CRPPA: variants seen among roughly 807,000 people sequenced by gnomAD.
CRPPA encodes CDP-L-ribitol pyrophosphorylase A, also known as D-ribitol-5-phosphate cytidylyltransferase.
A neutral mutation model predicts 52.0 loss-of-function variants in CRPPA; 43 were observed. The observed-to-expected ratio is 0.83, with a 90% confidence interval of 0.65 to 1.07. The LOEUF is 1.07. CRPPA is among the 50% of genes least tolerant of loss of function. The pLI, the probability that CRPPA is intolerant of heterozygous loss-of-function variation, is 0.00. For missense variants in CRPPA, 629 were observed against 551.7 expected (o/e 1.14, Z -1.40); for synonymous variants, 250 against 203.5 (o/e 1.23, Z -1.94).
chr7:16,390,279 C>T (rs575070973), intron 2 of CRPPA, among the ~76,000 whole-genome samples: 19 of 152,046 alleles, frequency 1.2e-4, no homozygotes, highest in African/African-American at 4.1e-4. Context: ...TCAATTCTTT[C>T]GATATATATC....
In CRPPA at chr7:16,303,491, A is replaced by AAAAAAAAAAAC. The variant is rs1554317846; in HGVS notation, c.790-2026_790-2025insGTTTTTTTTTT. 8.6e-3 allele frequency among the ~76,000 whole-genome samples: 1,073 copies of AAAAAAAAAAAC among 124,992 alleles called. 70 individuals carry two copies. The highest frequency in any genetic ancestry group is 0.03 in the Admixed American group (309 of 10,148). The allele number at this position is 124,992 out of a possible 152,430, so 82.0% of individuals were successfully genotyped here. A position where few individuals can be genotyped will look rare whatever the true frequency, so the allele number is the denominator to read the frequency against. ...ACATAAAATAGTAAAAAAAAAAAAA[A>AAAAAAAAAAAC]AAAAAAAAAAAACTTTCAGAACACA... On this transcript the variant is annotated intron_variant, in intron 4 of 9. Transcript: ENST00000407010.
intron 6 of CRPPA, chr7:16,276,722 T>C (rs1784210320): frequency 6.6e-6 from 1 of 152,178 alleles, no homozygotes; most frequent in African/African-American, 2.4e-5. Context: ...CTATCACATA[T>C]ATATTTACTT....
At chr7:16,304,374 G>A (rs1278962256) in intron 4 of CRPPA, among the ~76,000 whole-genome samples, 1 of 152,062 alleles carries the variant, frequency 6.6e-6, no homozygotes, top group Non-Finnish European at 1.5e-5. Flanking sequence ...AGCACAGGAA[G>A]GTGACATCAA....
intron 3 of CRPPA, among the ~76,000 whole-genome samples, chr7:16,336,505 A>G (rs1785684351): frequency 6.6e-6 from 1 of 151,916 alleles, no homozygotes; most frequent in African/African-American, 2.4e-5. Flanking sequence ...ATAAAAAGAA[A>G]GTATCAAAGC....
rs574844922 is a variant in CRPPA, at chr7:16,125,618, C to T, written c.1252-33819G>A. Among the ~76,000 whole-genome samples the T allele has an allele frequency of 4.5e-4, 68 of 151,964 alleles. 1 individual carries two copies. Among genetic ancestry groups the T allele is most frequent in the African/African-American group, 1.5e-3 (64 of 41,420 alleles). Reference sequence around the variant, plus strand: ...TAAGTAAAATTATAGTAATGGACCCCCCTCGTAAATAAGCAAGTGTCACAA... The same window carrying T: ...TAAGTAAAATTATAGTAATGGACCCTCCTCGTAAATAAGCAAGTGTCACAA... On this transcript the variant is annotated intron_variant, in intron 9 of 9. Coordinates refer to ENST00000407010, the MANE Select transcript of CRPPA (RefSeq NM_001101426.4).
At chr7:16,201,174 T>A (rs559408706) in intron 9 of CRPPA, among the ~76,000 whole-genome samples, 1 of 152,324 alleles carries the variant, frequency 6.6e-6, no homozygotes, top group East Asian at 1.9e-4. Context: ...ATTTGAAATT[T>A]CTAAATTTGT....
At chr7:16,283,401 C>T (rs1157107810) in intron 5 of CRPPA, among the ~76,000 whole-genome samples, 1 of 149,986 alleles carries the variant, frequency 6.7e-6, no homozygotes, top group Admixed American at 6.7e-5. Flanking sequence ...CTTTTATCTA[C>T]CTAGATTCAC....
intron 3 of CRPPA, among the ~76,000 whole-genome samples, chr7:16,321,047 A>T (rs1376007462): frequency 6.6e-6 from 1 of 152,160 alleles, no homozygotes; most frequent in Non-Finnish European, 1.5e-5. Flanking sequence ...CAGTGGGGAA[A>T]AAAATAAGCT....
chr7:16,416,990 C>G (rs1283552520), intron 1 of CRPPA, among the ~76,000 whole-genome samples: 1 of 152,128 alleles, frequency 6.6e-6, no homozygotes, highest in African/African-American at 2.4e-5. Context: ...TAAAAATGCA[C>G]AAATGACATG....
chr7:16,374,104 G>C (rs973086989), intron 3 of CRPPA, among the ~76,000 whole-genome samples: 1 of 152,168 alleles, frequency 6.6e-6, no homozygotes, highest in Non-Finnish European at 1.5e-5. Context: ...GTGTCTGTGA[G>C]GGTGTTGCCA....
chr7:16,233,198 A>T (rs965897637), intron 8 of CRPPA, among the ~76,000 whole-genome samples: 2 of 152,148 alleles, frequency 1.3e-5, no homozygotes, highest in African/African-American at 4.8e-5. Flanking sequence ...TGAGATATGG[A>T]TCATATTTAG....
intron 1 of CRPPA, among the ~76,000 whole-genome samples, chr7:16,412,754 C>T (rs978992133): frequency 6.6e-6 from 1 of 152,184 alleles, no homozygotes; most frequent in African/African-American, 2.4e-5. Context: ...CACACCAAAC[C>T]CTCAGCAGCC....
intron 3 of CRPPA, among the ~76,000 whole-genome samples, chr7:16,344,405 C>CCA (rs774993319): frequency 5.0e-5 from 5 of 99,346 alleles, no homozygotes; most frequent in Middle Eastern, 6.9e-3. Context: ...TATCTCTACC[C>CCA]AAAAAAAAAA....
At chr7:16,401,898 A>G (rs1195065398) in intron 2 of CRPPA, among the ~76,000 whole-genome samples, 1 of 152,206 alleles carries the variant, frequency 6.6e-6, no homozygotes, top group African/African-American at 2.4e-5. Flanking sequence ...TTTTACAAAC[A>G]GCCTTTTAAG....
chr7:16,102,471 T>C (rs1782066584), intron 9 of CRPPA, among the ~76,000 whole-genome samples: 1 of 152,032 alleles, frequency 6.6e-6, no homozygotes. Flanking sequence ...TCTAATTAAC[T>C]AAAGCACTTC....
intron 2 of CRPPA, among the ~76,000 whole-genome samples, chr7:16,381,849 T>C (rs989402286): frequency 1.2e-4 from 18 of 152,072 alleles, no homozygotes; most frequent in Non-Finnish European, 2.4e-4. Flanking sequence ...GCTTGGTAAA[T>C]CTTTCTCCAT....
At chr7:16,250,340 C>T (rs1783411426) in intron 8 of CRPPA, among the ~76,000 whole-genome samples, 1 of 152,182 alleles carries the variant, frequency 6.6e-6, no homozygotes, top group Admixed American at 6.5e-5. Flanking sequence ...CCTAGCAAGG[C>T]AGGCCAACAT....
chr7:16,270,414 C>A (rs1583482693), intron 6 of CRPPA: 1 of 152,096 alleles, frequency 6.6e-6, no homozygotes, highest in South Asian at 2.1e-4. Context: ...TATCCTAGCT[C>A]CCTCAATTAA....
At chr7:16,277,679 C>T (rs1447447339) in intron 6 of CRPPA, among the ~76,000 whole-genome samples, 2 of 152,092 alleles carry the variant, frequency 1.3e-5, no homozygotes, top group Non-Finnish European at 2.9e-5. Flanking sequence ...ATGAGTTTAA[C>T]TAGGAAGTTG....
Sources: allele counts gnomAD v4.1 joint callset (sites outside exome capture counted in the v4.1 genomes callset), GRCh38; gene constraint gnomAD v4.1.1; transcripts MANE v1.5; gene names NCBI Gene and HGNC (gene_info 2026-07-23, HGNC 2026-07-21).